CNTNAP2: variants seen among roughly 807,000 people sequenced by gnomAD.
CNTNAP2 encodes the protein contactin associated protein 2.
A neutral mutation model predicts 155.2 loss-of-function variants in CNTNAP2; 98 were observed. That is an observed-to-expected ratio of 0.63 (90% CI 0.54 to 0.75). CNTNAP2 has a LOEUF of 0.75. CNTNAP2 is among the 30% of genes least tolerant of loss of function. The pLI is 0.00. For synonymous variants in CNTNAP2, 651 were observed against 631.2 expected, an observed-to-expected ratio of 1.03 and a Z score of -0.47; for missense variants, 1,727 against 1,688.1, an observed-to-expected ratio of 1.02 and a Z score of -0.40.
chr7:148,099,251 T>C (rs569555800), intron 15 of CNTNAP2, among the ~76,000 whole-genome samples: 1 of 152,282 alleles, frequency 6.6e-6, no homozygotes, highest in South Asian at 2.1e-4. Flanking sequence ...GAAATACTGC[T>C]TAGAACATGG....
intron 1 of CNTNAP2, among the ~76,000 whole-genome samples, chr7:146,690,780 TTC>T (rs1800685501): frequency 6.6e-6 from 1 of 152,184 alleles, no homozygotes; most frequent in South Asian, 2.1e-4. Context: ...TTTAAAATTT[TTC>T]TGTTTCTCTT....
At chr7:147,504,032 A>G (rs1018991) in intron 11 of CNTNAP2, among the ~76,000 whole-genome samples, 33,124 of 152,104 alleles carry the variant, frequency 0.22, 4,361 homozygotes, top group African/African-American at 0.36. Flanking sequence ...CAGAGCCACA[A>G]TTTCAAACCA....
At chr7:147,315,593 T>C (rs559093953) in intron 9 of CNTNAP2, among the ~76,000 whole-genome samples, 2 of 150,360 alleles carry the variant, frequency 1.3e-5, no homozygotes, top group East Asian at 4.1e-4. Flanking sequence ...GCCATTCTCC[T>C]GCCTCAGCCT....
intron 13 of CNTNAP2, among the ~76,000 whole-genome samples, chr7:147,762,794 G>GAGGAAGGGA (rs149381109): frequency 0.13 from 19,812 of 146,948 alleles, 2,653 homozygotes; most frequent in African/African-American, 0.35. Context: ...AGGGGAAGAG[G>GAGGAAGGGA]AGGAAGGGAA....
intron 1 of CNTNAP2, among the ~76,000 whole-genome samples, chr7:146,481,157 G>A (rs1210912795): frequency 2.6e-5 from 4 of 152,056 alleles, no homozygotes; most frequent in Admixed American, 6.5e-5. Flanking sequence ...CTCTTGCAAC[G>A]TAAATTGGTA....
chr7:147,393,827 A>C (rs1179221513), intron 9 of CNTNAP2, among the ~76,000 whole-genome samples: 1 of 152,054 alleles, frequency 6.6e-6, no homozygotes, highest in East Asian at 1.9e-4. Flanking sequence ...ATTTTTATAC[A>C]GTACTGTGTT....
At chr7:147,107,177 C>T (rs553495797) in intron 4 of CNTNAP2, among the ~76,000 whole-genome samples, 28 of 152,194 alleles carry the variant, frequency 1.8e-4, no homozygotes, top group Admixed American at 5.9e-4. Context: ...TCTATTTGAA[C>T]TCAATATTTG....
intron 10 of CNTNAP2, among the ~76,000 whole-genome samples, chr7:147,450,175 T>C (rs1797806911): frequency 6.6e-6 from 1 of 152,336 alleles, no homozygotes; most frequent in South Asian, 2.1e-4. Context: ...AACGTTTTTT[T>C]CCCACTGGTG....
intron 1 of CNTNAP2, among the ~76,000 whole-genome samples, chr7:146,121,119 C>CTTTTTTTTTTTTTTTTTTTTT (rs745449281): frequency 3.0e-5 from 2 of 65,762 alleles, no homozygotes; most frequent in Non-Finnish European, 2.9e-5. Flanking sequence ...ATAAAGCTTC[C>CTTTTTTTTTTTTTTTTTTTTT]TTTTTTTTTT....
intron 11 of CNTNAP2, among the ~76,000 whole-genome samples, chr7:147,499,528 C>T (rs1798772074): frequency 6.7e-6 from 1 of 148,186 alleles, no homozygotes; most frequent in South Asian, 2.1e-4. Flanking sequence ...AACTCTGTCT[C>T]AAAAAAAAAA....
chr7:147,382,957 A>C (rs1413000500), intron 9 of CNTNAP2, among the ~76,000 whole-genome samples: 1 of 152,198 alleles, frequency 6.6e-6, no homozygotes, highest in Non-Finnish European at 1.5e-5. Flanking sequence ...ATTGTTTTTA[A>C]TCCTATTATA....
intron 1 of CNTNAP2, among the ~76,000 whole-genome samples, chr7:146,222,376 G>C (rs1429233941): frequency 6.6e-6 from 1 of 152,158 alleles, no homozygotes; most frequent in Non-Finnish European, 1.5e-5. Context: ...TAAATTTGGA[G>C]AATAATTGCT....
chr7:147,216,130 G>GTTT (rs151102034), intron 8 of CNTNAP2, among the ~76,000 whole-genome samples: 4 of 146,944 alleles, frequency 2.7e-5, no homozygotes, highest in African/African-American at 9.9e-5. Context: ...CCCAGTCTGT[G>GTTT]TTTTTTTTTT....
At chr7:147,157,484 T>G (rs2116446164) in intron 8 of CNTNAP2, among the ~76,000 whole-genome samples, 1 of 152,254 alleles carries the variant, frequency 6.6e-6, no homozygotes, top group South Asian at 2.1e-4. Context: ...GTCAAGTTTC[T>G]TTTCATCCAC....
rs986056278 is a variant in CNTNAP2 at position 146,376,346 on chromosome 7, T to C, written c.97+259373T>C. On this transcript the variant is annotated intron_variant, in intron 1 of 23. Transcript: ENST00000361727. ...ATCTATTCGTTACCTTTGTTCTTTTTCTTCACTGCTCATCTCTCTTCTAAA... is the reference window on the plus strand; with the variant it reads ...ATCTATTCGTTACCTTTGTTCTTTTCCTTCACTGCTCATCTCTCTTCTAAA... Among the ~76,000 whole-genome samples, 9 of 152,184 alleles carry C rather than the reference T, an allele frequency of 5.9e-5. No individual in the cohort carries two copies. In the East Asian group the frequency reaches 1.7e-3, roughly 29 times the overall value.
At chr7:146,334,373 G>A (rs1273764034) in intron 1 of CNTNAP2, among the ~76,000 whole-genome samples, 1 of 150,748 alleles carries the variant, frequency 6.6e-6, no homozygotes, top group Non-Finnish European at 1.5e-5. Context: ...GGAGGTTGCA[G>A]TGAGCCAAGA....
chr7:146,416,850 A>C (rs895563979), intron 1 of CNTNAP2, among the ~76,000 whole-genome samples: 1 of 152,114 alleles, frequency 6.6e-6, no homozygotes, highest in African/African-American at 2.4e-5. Context: ...CAATTACCCA[A>C]TTTCGCCATC....
At chr7:146,897,398 A>G in intron 3 of CNTNAP2, among the ~76,000 whole-genome samples, 1 of 152,046 alleles carries the variant, frequency 6.6e-6, no homozygotes. Flanking sequence ...TAGTGTAAAG[A>G]CTTGTGATTT....
chr7:148,040,607 G>A (rs1247466480), intron 15 of CNTNAP2, among the ~76,000 whole-genome samples: 1 of 152,156 alleles, frequency 6.6e-6, no homozygotes, highest in Admixed American at 6.5e-5. Context: ...TCCTAAAATA[G>A]GTATGCATGC....
Sources: allele counts gnomAD v4.1 joint callset (sites outside exome capture counted in the v4.1 genomes callset), GRCh38; gene constraint gnomAD v4.1.1; transcripts MANE v1.5; gene names NCBI Gene and HGNC (gene_info 2026-07-23, HGNC 2026-07-21).